Variants in NYNRIN observed in about 807,000 individuals in gnomAD.
NYNRIN encodes the protein protein NYNRIN.
Under a neutral mutation model 146.6 loss-of-function variants are expected in NYNRIN, and 86 were observed. That is an observed-to-expected ratio of 0.59 (90% CI 0.49 to 0.70). The LOEUF (loss-of-function observed/expected upper bound fraction) is 0.70. NYNRIN is among the 30% of genes least tolerant of loss of function. The pLI is 0.00. For missense variants in NYNRIN, 2,191 were observed against 2,377.7 expected, an observed-to-expected ratio of 0.92 and a Z score of 1.63; for synonymous variants, 1,027 against 1,001.3, an observed-to-expected ratio of 1.03 and a Z score of -0.48.
chr14:24,413,126 A>G (rs751814152), intron 7 of NYNRIN, 28 bp downstream of exon 7: 4 of 1,515,792 alleles, frequency 2.6e-6, no homozygotes, highest in Non-Finnish European at 3.6e-6. Context: ...GGCTTGAGCC[A>G]TTCCTTCCCC....
In NYNRIN at chr14:24,409,150, T is replaced by C. The variant is rs1268076480; in HGVS notation, c.1356T>C (p.Ile452=). 6.2e-7 allele frequency: 1 copy of C among 1,613,926 alleles called. No individual in the cohort carries two copies. Among genetic ancestry groups the C allele is most frequent in the Admixed American group, 1.7e-5 (1 of 60,020 alleles). ...TGCAGAATTGCCCAAGGCCAGAGAT[T>C]TCCCCAAAAGTTACGAGTTTATTGG... ...AALQNCPRPE[I]SPKVTSLLVV... Residue 452 remains isoleucine, a synonymous_variant, in exon 4 of 9, where the codon ATT becomes ATC. Transcript: ENST00000382554.
Position 24,414,965 on chromosome 14 carries a change from G to T in NYNRIN, c.3216G>T (p.Lys1072Asn), listed in dbSNP as rs538756994. The T allele has an allele frequency of 3.1e-6, 5 of 1,595,048 alleles. No homozygotes were observed. Among genetic ancestry groups the T allele is most frequent in the Non-Finnish European group, 4.3e-6 (5 of 1,166,482 alleles). ...SPYLGIPWDG[K>N]APCQQVLAHL... ...ACCTGGGCATCCCCTGGGATGGAAA[G>T]GCTCCCTGCCAGCAGGTTCTTGCCC... Residue 1072 changes from lysine (K) to asparagine (N), a missense_variant, in exon 9 of 9, where the codon AAG (lysine) becomes AAT (asparagine). Lys to Asn is a moderately conservative substitution (Grantham distance 94). This residue lies in a region of NYNRIN where 1,291 missense variants were observed against 1,417.0 expected (regional missense o/e 0.91). Transcript: ENST00000382554.
At position 24,409,975 on chromosome 14, in the gene NYNRIN, C is replaced by T. The variant is rs756222850; in HGVS notation, c.2181C>T (p.Ser727=). 1.2e-5 allele frequency: 20 copies of T among 1,613,656 alleles called. No homozygotes were observed. The Admixed American group carries it at 3.0e-4, about 24-fold the overall frequency. Residue 727 remains serine (S), a synonymous_variant, in exon 4 of 9, where the codon TCC becomes TCT. Coordinates refer to ENST00000382554, the MANE Select transcript of NYNRIN (RefSeq NM_025081.3). ...AGGCTGGAAGGCAGGGTCCCCAGTCCAGTGGCACCTTGGCCCTCAGCAGTA... is the reference window on the plus strand; with the variant it reads ...AGGCTGGAAGGCAGGGTCCCCAGTCTAGTGGCACCTTGGCCCTCAGCAGTA... ...QGQAGRQGPQ[S]SGTLALSSKH...
Position 24,417,454 on chromosome 14 carries a change from C to T in NYNRIN, c.*8C>T, listed in dbSNP as rs756904027. On this transcript the variant is annotated 3_prime_UTR_variant, in exon 9 of 9. Transcript: ENST00000382554. ...AAGGTCTTGGAGCAGTGAGCGGGAGCAGCGGGGGTGCCCCCTGCCCCAGGG... is the reference window on the plus strand; with the variant it reads ...AAGGTCTTGGAGCAGTGAGCGGGAGTAGCGGGGGTGCCCCCTGCCCCAGGG... 3.4e-5 allele frequency: 49 copies of T among 1,461,570 alleles called. No individual in the cohort carries two copies. Among genetic ancestry groups the T allele is most frequent in the Non-Finnish European group, 4.2e-5 (46 of 1,106,640 alleles). 90.5% of individuals were successfully genotyped at this position (1,461,570 alleles called of 1,614,324 possible).
At chr14:24,413,237 A>C in intron 7 of NYNRIN, 79 bp from the exon 8 acceptor site, 1 of 1,443,228 alleles carries the variant, frequency 6.9e-7, no homozygotes, top group Non-Finnish European at 9.5e-7. Flanking sequence ...TCTCAGCGCC[A>C]TGGAGAAGCC....
Position 24,416,006 on chromosome 14 carries a change from T to C in NYNRIN, c.4257T>C (p.Ser1419=). Residue 1419 remains serine, a synonymous_variant, in exon 9 of 9, where the codon TCT becomes TCC. Coordinates refer to ENST00000382554, the MANE Select transcript of NYNRIN (RefSeq NM_025081.3). The part of the protein sequence containing the change: ...SLLSYIISLT[S]GLSSLPFIYR... ...TCTCCTACATTATATCCCTCACCTC[T>C]GGCCTCTCATCCCTTCCGTTTATCT... The C allele has an allele frequency of 6.2e-7, 1 of 1,614,016 alleles. No homozygotes were observed. The highest frequency in any genetic ancestry group is 8.5e-7 in the Non-Finnish European group (1 of 1,179,880).
rs2042941039 is a variant in NYNRIN at position 24,415,780 on chromosome 14, C to T, written c.4031C>T (p.Ser1344Phe). ...AGCCCCCCTGTCTCCCTTTCCTTCT[C>T]CTGCTCCCCTTACACGCCAACCTAT... Reference protein sequence around the residue: ...PTSPPVSLSFSCSPYTPTYAH... With the variant: ...PTSPPVSLSFFCSPYTPTYAH... The change falls in exon 9 of 9, where the codon TCC becomes TTC. Residue 1344 changes from serine to phenylalanine, a missense_variant. By Grantham distance (155) the Ser-to-Phe change is radical. This residue lies in a region of NYNRIN where 1,291 missense variants were observed against 1,417.0 expected (regional missense o/e 0.91). Coordinates refer to ENST00000382554, the MANE Select transcript of NYNRIN (RefSeq NM_025081.3). 2 of 1,613,998 alleles carry T rather than the reference C, an allele frequency of 1.2e-6. No homozygotes were observed. The highest frequency in any genetic ancestry group is 1.3e-5 in the African/African-American group (1 of 75,038).
intron 8 of NYNRIN, among the ~76,000 whole-genome samples, chr14:24,413,723 T>A (rs1240878934): frequency 6.6e-6 from 1 of 152,250 alleles, no homozygotes; most frequent in East Asian, 1.9e-4. Flanking sequence ...TAGCTCTGTT[T>A]AATGGTCATA....
At position 24,409,045 on chromosome 14, in the gene NYNRIN, G is replaced by A. The variant is rs1294696759; in HGVS notation, c.1251G>A (p.Lys417=). 6.2e-7 allele frequency: 1 copy of A among 1,613,400 alleles called. No homozygotes were observed. The highest frequency in any genetic ancestry group is 1.1e-5 in the South Asian group (1 of 90,986). ...CTTTGCCCTTAAATCTGGAGTGGAA[G>A]CAGAAGGAGCTGGCTCCTCTGCCTA... ...QNPLPLNLEW[K]QKELAPLPSA... is the part of the protein sequence containing the mutation. Residue 417 remains lysine (K), a synonymous_variant, in exon 4 of 9, where the codon AAG becomes AAA. Transcript: ENST00000382554.
At chr14:24,414,326 C>T (rs566953701) in intron 8 of NYNRIN, among the ~76,000 whole-genome samples, 22 of 152,362 alleles carry the variant, frequency 1.4e-4, no homozygotes, top group African/African-American at 4.3e-4. Context: ...CACTGGCTTA[C>T]AGCTAGTTTA....
chr14:24,399,483 C>A, intron 2 of NYNRIN, 39 bp downstream of exon 2: 2 of 1,522,242 alleles, frequency 1.3e-6, no homozygotes, highest in Non-Finnish European at 1.8e-6. Context: ...TCTCTTCCAG[C>A]CAGATCACTC....
chr14:24,417,026 G>A lies in NYNRIN; in HGVS notation c.5277G>A (p.Lys1759=). ...RASSTDATPF[K]VLTGGESRLT... ...CCTCCACTGATGCCACACCGTTCAA[G>A]GTCCTGACCGGGGGTGAGTCAAGGC... is the stretch of plus-strand genomic sequence containing the variant. The change falls in exon 9 of 9, where the codon AAG becomes AAA. Residue 1759 remains lysine (K), a synonymous_variant. Transcript: ENST00000382554. The A allele has an allele frequency of 6.2e-7, 1 of 1,607,278 alleles. No homozygotes were observed. Among genetic ancestry groups the A allele is most frequent in the Non-Finnish European group, 8.5e-7 (1 of 1,176,048 alleles).
chr14:24,410,980 T>A (rs2042909172), intron 4 of NYNRIN, 96 bp from the exon 5 acceptor site: 1 of 1,441,344 alleles, frequency 6.9e-7, no homozygotes, highest in Non-Finnish European at 9.6e-7. Flanking sequence ...GCATCATTGG[T>A]GTCCTTGGTG....
rs373580294 is a variant in NYNRIN at position 24,414,680 on chromosome 14, C to T, written c.2931C>T (p.Asp977=). 102 of 1,613,698 alleles carry T rather than the reference C, an allele frequency of 6.3e-5. No homozygotes were observed. The highest frequency in any genetic ancestry group is 4.7e-4 in the African/African-American group (35 of 75,030). The part of the protein sequence containing the change: ...SSASVTELSD[D]ADSGPLESLP... ...CCAGTGTCACTGAGCTGAGTGATGA[C>T]GCTGACTCTGGGCCCCTGGAGAGTC... The change falls in exon 9 of 9, where the codon GAC becomes GAT. Residue 977 remains aspartate, a synonymous_variant. Coordinates refer to ENST00000382554, the MANE Select transcript of NYNRIN (RefSeq NM_025081.3).
At position 24,414,987 on chromosome 14, in the gene NYNRIN, G is replaced by A. The variant is rs2042934927; in HGVS notation, c.3238G>A (p.Ala1080Thr). 6.3e-7 allele frequency: 1 copy of A among 1,595,748 alleles called. No individual in the cohort carries two copies. The highest frequency in any genetic ancestry group is 1.1e-5 in the South Asian group (1 of 89,856). Residue 1080 changes from alanine to threonine, a missense_variant, in exon 9 of 9, where the codon GCC becomes ACC. Ala to Thr is a moderately conservative substitution (Grantham distance 58). This residue lies in a region of NYNRIN where 1,291 missense variants were observed against 1,417.0 expected (regional missense o/e 0.91). Coordinates refer to ENST00000382554, the MANE Select transcript of NYNRIN (RefSeq NM_025081.3). ...DGKAPCQQVL[A>T]HLAQLTIPSN... Reference sequence around the variant, plus strand: ...AAAGGCTCCCTGCCAGCAGGTTCTTGCCCACCTGGCCCAGCTCACCATCCC... The same window carrying A: ...AAAGGCTCCCTGCCAGCAGGTTCTTACCCACCTGGCCCAGCTCACCATCCC...
chr14:24,416,209 C>A lies in NYNRIN; in HGVS notation c.4460C>A (p.Thr1487Asn), dbSNP rs558626844. Residue 1487 changes from threonine (T) to asparagine (N), a missense_variant, in exon 9 of 9, where the codon ACC (threonine) becomes AAC (asparagine). Thr to Asn is a moderately conservative substitution (Grantham distance 65). Around this residue, in one of 3 missense-constraint regions of NYNRIN, gnomAD observed 1,291 missense variants for 1,417.0 expected, o/e 0.91. Transcript: ENST00000382554. ...CTGGCATTACAGCTGAGTGACAGCA[C>A]CCTGGCCGACATCATTGCCAGGCTG... ...NLLALQLSDS[T>N]LADIIARLQA... 1 of 1,613,986 alleles carries A rather than the reference C, an allele frequency of 6.2e-7. No homozygotes were observed. The highest frequency in any genetic ancestry group is 2.2e-5 in the East Asian group (1 of 44,860).
rs780632124 is a variant in NYNRIN at position 24,416,546 on chromosome 14, G to C, written c.4797G>C (p.Leu1599Phe). The C allele has an allele frequency of 1.5e-5, 25 of 1,613,966 alleles. No homozygotes were observed. The highest frequency in any genetic ancestry group is 2.1e-5 in the Non-Finnish European group (25 of 1,179,876). Residue 1599 changes from leucine (L) to phenylalanine (F), a missense_variant, in exon 9 of 9, where the codon TTG becomes TTC. Transcript: ENST00000382554. The stretch of plus-strand genomic sequence containing the variant: ...CCCGAAATCTCATAGGCAGCGAGTT[G>C]AAGGTTATTGAGTCCCCATGGCCCC... ...CIPRNLIGSE[L>F]KVIESPWPLR...
At position 24,418,121 on chromosome 14, in the gene NYNRIN, CA is replaced by C; in HGVS notation, c.*676del. 2.6e-6 allele frequency: 1 copy of C among 378,606 alleles called. No individual in the cohort carries two copies. The allele number at this position is 378,606 out of a possible 1,614,324, so 23.5% of individuals were successfully genotyped here. On this transcript the variant is annotated 3_prime_UTR_variant, in exon 9 of 9. Transcript: ENST00000382554. ...CAGCCACAAGCCACCAGCTTGTCAG[CA>C]TGGGAAGGGCAAGGGGGAAATGGGT... is the stretch of plus-strand genomic sequence containing the variant.
At chr14:24,414,386 A>G (rs1336234684) in intron 8 of NYNRIN, among the ~76,000 whole-genome samples, 2 of 152,230 alleles carry the variant, frequency 1.3e-5, no homozygotes, top group Non-Finnish European at 2.9e-5. Flanking sequence ...TCAAGGCACA[A>G]ATGAACCTCT....
Sources: gnomAD v4.1 joint callset for allele counts (sites outside exome capture counted in the v4.1 genomes callset) on GRCh38, gnomAD v4.1.1 for gene constraint, gnomAD v4.1.1 regional missense constraint, MANE v1.5 for transcripts, NCBI Gene and HGNC (gene_info 2026-07-23, HGNC 2026-07-21) for gene names.